Variants in ITPR2 observed in about 807,000 individuals in gnomAD.
The protein encoded by ITPR2 is inositol 1,4,5-trisphosphate-gated calcium channel ITPR2.
ITPR2 carries 207 observed loss-of-function variants against 317.1 expected under a neutral mutation model. The ratio of observed to expected loss-of-function variants is 0.65; its 90% confidence interval spans 0.58 to 0.73. The LOEUF is 0.73. Ranked by LOEUF, ITPR2 falls within the 30% of genes least tolerant of loss-of-function variation. ITPR2 has a pLI of 0.00. For synonymous variants in ITPR2, 1,156 were observed against 1,149.1 expected, an observed-to-expected ratio of 1.01 and a Z score of -0.12; for missense variants, 2,613 against 3,284.0, an observed-to-expected ratio of 0.80 and a Z score of 4.99.
chr12:26,569,683 C>A (rs1403820240), intron 34 of ITPR2, among the ~76,000 whole-genome samples: 1 of 151,680 alleles, frequency 6.6e-6, no homozygotes, highest in African/African-American at 2.4e-5. Context: ...AAGGAAAGCA[C>A]AAGAAGTGAC....
At chr12:26,433,083 A>T (rs1048227235) in intron 48 of ITPR2, among the ~76,000 whole-genome samples, 1 of 152,226 alleles carries the variant, frequency 6.6e-6, no homozygotes, top group African/African-American at 2.4e-5. Flanking sequence ...AGTGTGCAAC[A>T]GATTAAGACT....
At chr12:26,433,638 A>G (rs1408565802) in intron 48 of ITPR2, among the ~76,000 whole-genome samples, 1 of 152,166 alleles carries the variant, frequency 6.6e-6, no homozygotes, top group Admixed American at 6.5e-5. Flanking sequence ...TAAAAAATAC[A>G]AAGATTAGTA....
At chr12:26,375,204 T>G (rs1473599204) in intron 55 of ITPR2, among the ~76,000 whole-genome samples, 2 of 152,194 alleles carry the variant, frequency 1.3e-5, no homozygotes, top group Non-Finnish European at 2.9e-5. Flanking sequence ...GAACAAGATC[T>G]TACCGTAATG....
chr12:26,621,843 T>A (rs1186275805), intron 25 of ITPR2, among the ~76,000 whole-genome samples: 1 of 152,210 alleles, frequency 6.6e-6, no homozygotes, highest in Non-Finnish European at 1.5e-5. Context: ...ATTAGATCCA[T>A]AACAGTTCGT....
intron 2 of ITPR2, among the ~76,000 whole-genome samples, chr12:26,771,472 G>A (rs537456702): frequency 2.0e-5 from 3 of 152,266 alleles, no homozygotes; most frequent in Admixed American, 2.0e-4. Context: ...ATATATAGAA[G>A]TCATTGTGGG....
chr12:26,805,431 C>T (rs1416308994), intron 1 of ITPR2, among the ~76,000 whole-genome samples: 3 of 152,182 alleles, frequency 2.0e-5, no homozygotes, highest in Admixed American at 2.0e-4. Flanking sequence ...GATTGGCTAT[C>T]GCCATTTTCA....
intron 45 of ITPR2, among the ~76,000 whole-genome samples, chr12:26,452,862 TA>T: frequency 6.6e-6 from 1 of 152,258 alleles, no homozygotes; most frequent in South Asian, 2.1e-4. Context: ...TTGTCTTTAT[TA>T]ATTACCCAGT....
At chr12:26,445,749 G>T (rs1261645911) in intron 45 of ITPR2, among the ~76,000 whole-genome samples, 1 of 152,112 alleles carries the variant, frequency 6.6e-6, no homozygotes, top group Non-Finnish European at 1.5e-5. Flanking sequence ...AATGGGAGGT[G>T]AGGAAGTATA....
At chr12:26,463,494 C>T (rs966172391) in intron 45 of ITPR2, among the ~76,000 whole-genome samples, 1 of 151,804 alleles carries the variant, frequency 6.6e-6, no homozygotes, top group Admixed American at 6.6e-5. Flanking sequence ...TGGAGAAACC[C>T]GTCTCTACTA....
chr12:26,624,720 T>A (rs1946581062), intron 23 of ITPR2, among the ~76,000 whole-genome samples: 1 of 151,208 alleles, frequency 6.6e-6, no homozygotes, highest in South Asian at 2.1e-4. Context: ...CCTCATACAC[T>A]GTTGGTGGGA....
rs76229289 is a variant in ITPR2 at position 26,821,085 on chromosome 12, T to G, written c.92+11605A>C. Among the ~76,000 whole-genome samples, 1,160 of 152,336 alleles carry G rather than the reference T, an allele frequency of 7.6e-3. 18 individuals are homozygous for G. Among genetic ancestry groups the G allele is most frequent in the African/African-American group, 0.027 (1,116 of 41,570 alleles). ...TGATGGTTGCTCAACATTGTGAATG[T>G]CCTTAATATCACTGAATTATATCTT... On this transcript the variant is annotated intron_variant, in intron 1 of 56. Transcript: ENST00000381340.
intron 46 of ITPR2, among the ~76,000 whole-genome samples, chr12:26,441,787 A>G (rs1284080240): frequency 6.6e-6 from 1 of 152,126 alleles, no homozygotes; most frequent in South Asian, 2.1e-4. Context: ...ATTCTCATAC[A>G]TGGCACCAAC....
At chr12:26,445,596 T>C (rs1173995642) in intron 45 of ITPR2, among the ~76,000 whole-genome samples, 1 of 152,180 alleles carries the variant, frequency 6.6e-6, no homozygotes, top group African/African-American at 2.4e-5. Flanking sequence ...ATTATCTGCA[T>C]CAAATGTAGC....
At chr12:26,702,709 G>C (rs544203633) in intron 9 of ITPR2, among the ~76,000 whole-genome samples, 42 of 152,026 alleles carry the variant, frequency 2.8e-4, no homozygotes, top group Non-Finnish European at 5.1e-4. Context: ...CAAAGTGCTG[G>C]GATTACAGTC....
At chr12:26,733,395 C>T (rs1197499838) in intron 2 of ITPR2, among the ~76,000 whole-genome samples, 1 of 151,676 alleles carries the variant, frequency 6.6e-6, no homozygotes, top group African/African-American at 2.4e-5. Context: ...TGCCTCAGTT[C>T]TCATCCCTAC....
intron 39 of ITPR2, chr12:26,493,892 G>A: frequency 3.3e-6 from 1 of 304,134 alleles, no homozygotes; most frequent in South Asian, 6.8e-5. Flanking sequence ...GTGTGCAGGT[G>A]AGCATATTGC....
intron 55 of ITPR2, among the ~76,000 whole-genome samples, chr12:26,346,732 A>T (rs966192538): frequency 6.9e-6 from 1 of 144,270 alleles, no homozygotes; most frequent in Non-Finnish European, 1.5e-5. Context: ...GCACCAATCT[A>T]TGAGTCAGGA....
At chr12:26,411,025 G>A (rs941156200) in intron 52 of ITPR2, among the ~76,000 whole-genome samples, 2 of 152,176 alleles carry the variant, frequency 1.3e-5, no homozygotes, top group African/African-American at 4.8e-5. Context: ...AGCTAAAAGG[G>A]ACTCACTTAG....
chr12:26,741,463 GT>G (rs1949227455), intron 2 of ITPR2, among the ~76,000 whole-genome samples: 1 of 152,024 alleles, frequency 6.6e-6, no homozygotes, highest in African/African-American at 2.4e-5. Flanking sequence ...TTATACACAT[GT>G]TTTATAAACA....
Sources: allele counts gnomAD v4.1 joint callset (sites outside exome capture counted in the v4.1 genomes callset), GRCh38; gene constraint gnomAD v4.1.1; transcripts MANE v1.5; gene names NCBI Gene and HGNC (gene_info 2026-07-23, HGNC 2026-07-21).